The following RIPPLY2 variants were observed in gnomAD, a reference collection of about 807,000 sequenced individuals.
RIPPLY2 encodes protein ripply2.
A neutral mutation model predicts 17.7 loss-of-function variants in RIPPLY2; 20 were observed. That is an observed-to-expected ratio of 1.13 (90% CI 0.79 to 1.64). The LOEUF (loss-of-function observed/expected upper bound fraction) is 1.64, where lower values mean the gene tolerates loss of function less well. Among genes scored for constraint, RIPPLY2 ranks in the 40% most tolerant of loss-of-function variants. RIPPLY2 has a pLI of 0.00. For synonymous variants in RIPPLY2, 69 were observed against 63.9 expected, an observed-to-expected ratio of 1.08 and a Z score of -0.38; for missense variants, 213 against 169.8, an observed-to-expected ratio of 1.25 and a Z score of -1.41.
rs1323454833 is a variant in RIPPLY2 at position 83,853,501 on chromosome 6, G to C, written c.85G>C (p.Ala29Pro). Residue 29 changes from alanine (A) to proline (P), a missense_variant, in exon 1 of 4, where the codon GCG (alanine) becomes CCG (proline). Physicochemically the swap from Ala to Pro is conservative, Grantham distance 27. Coordinates refer to ENST00000369689, the MANE Select transcript of RIPPLY2 (RefSeq NM_001009994.3). ...CGACGGCCCTACGCGGCGCGCGGGC[G>C]CGGACTCCGGGTAGGCTTCCCCGCG... is the stretch of plus-strand genomic sequence containing the variant. The part of the protein sequence containing the change: ...ATDGPTRRAG[A>P]DSGYAGFWRP... The C allele has an allele frequency of 3.3e-6, 5 of 1,538,292 alleles. No homozygotes were observed. The highest frequency in any genetic ancestry group is 2.5e-5 in the East Asian group (1 of 40,798).
intron 3 of RIPPLY2, 78 bp downstream of exon 3, chr6:83,854,239 C>T: frequency 8.8e-7 from 1 of 1,142,516 alleles, no homozygotes. Flanking sequence ...CAGCCCAGCT[C>T]CGCAGCTGGT....
intron 3 of RIPPLY2, chr6:83,856,949 A>G (rs566111990): frequency 1.5e-3 from 240 of 164,660 alleles, no homozygotes; most frequent in African/African-American, 5.4e-3. Context: ...TATATCCATA[A>G]TGTACAAAGT....
At chr6:83,854,512 T>C (rs1453703930) in intron 3 of RIPPLY2, 1 of 273,582 alleles carries the variant, frequency 3.7e-6, no homozygotes, top group Admixed American at 4.6e-5. Flanking sequence ...TCAGGCAGAG[T>C]GTGTATGCTG....
chr6:83,857,042 A>G (rs1230499317), intron 3 of RIPPLY2, 200 bp from the exon 4 acceptor site: 1 of 314,106 alleles, frequency 3.2e-6, no homozygotes, highest in African/African-American at 2.1e-5. Context: ...AAGATTTACA[A>G]TAATCAAACA....
chr6:83,853,326 G>C (rs2129124321), upstream of RIPPLY2: 3 of 995,356 alleles, frequency 3.0e-6, no homozygotes, highest in Non-Finnish European at 4.4e-6. Flanking sequence ...CAGGCCGCGA[G>C]GGCTATATAA....
chr6:83,853,327 G>C (rs930828808), upstream of RIPPLY2: 2 of 1,006,208 alleles, frequency 2.0e-6, no homozygotes, highest in Admixed American at 2.5e-5. Flanking sequence ...AGGCCGCGAG[G>C]GCTATATAAA....
Position 83,853,744 on chromosome 6 carries a change from G to A in RIPPLY2, c.145G>A (p.Glu49Lys), listed in dbSNP as rs748828121. ...PWVDAGGKKE[E>K]ETPNHAAEAM... is the part of the protein sequence containing the mutation. ...GGTGGACGCCGGAGGCAAGAAAGAAGAGGAGACGCCGAACCACGCCGCGGA... is the reference window on the plus strand; with the variant it reads ...GGTGGACGCCGGAGGCAAGAAAGAAAAGGAGACGCCGAACCACGCCGCGGA... Residue 49 changes from glutamate (E) to lysine (K), a missense_variant, in exon 2 of 4, where the codon GAG becomes AAG. Coordinates refer to ENST00000369689, the MANE Select transcript of RIPPLY2 (RefSeq NM_001009994.3). The A allele has an allele frequency of 5.0e-6, 8 of 1,613,580 alleles. No individual in the cohort carries two copies. In the South Asian group the frequency reaches 7.7e-5, roughly 16 times the overall value.
chr6:83,853,448 A>G lies in RIPPLY2; in HGVS notation c.32A>G (p.Glu11Gly). ...AACGCGGGAGGCGCAGAGGGTACAG[A>G]GAGTGGAGCTGCGGCGTGCGCGGCC... MENAGGAEGT[E>G]SGAAACAATD... Residue 11 changes from glutamate (E) to glycine (G), a missense_variant, in exon 1 of 4, where the codon GAG becomes GGG. Coordinates refer to ENST00000369689, the MANE Select transcript of RIPPLY2 (RefSeq NM_001009994.3). 1.3e-6 allele frequency: 2 copies of G among 1,543,952 alleles called. No individual in the cohort carries two copies. The highest frequency in any genetic ancestry group is 1.7e-6 in the Non-Finnish European group (2 of 1,146,568).
rs2099454646 is a variant in RIPPLY2, at chr6:83,854,246, T to C, written c.239+85T>C. 7.5e-6 allele frequency: 8 copies of C among 1,073,198 alleles called. No homozygotes were observed. In the East Asian group the frequency reaches 1.9e-4, roughly 25 times the overall value. The allele number at this position is 1,073,198 out of a possible 1,614,324, so 66.5% of individuals were successfully genotyped here. On this transcript the variant is annotated intron_variant, in intron 3 of 3. Transcript: ENST00000369689. Reference sequence around the variant, plus strand: ...GCATCGCGCAGCCCAGCTCCGCAGCTGGTCCTGCAGTCTCTCTCTCTCTCT... The same window carrying C: ...GCATCGCGCAGCCCAGCTCCGCAGCCGGTCCTGCAGTCTCTCTCTCTCTCT...
upstream of RIPPLY2, chr6:83,853,341 C>T: frequency 1.6e-6 from 2 of 1,227,310 alleles, no homozygotes; most frequent in East Asian, 2.6e-5. Flanking sequence ...ATATAAAGCT[C>T]GGGTCTCGGA....
chr6:83,854,764 T>A (rs2099454744), intron 3 of RIPPLY2: 1 of 152,890 alleles, frequency 6.5e-6, no homozygotes, highest in African/African-American at 2.4e-5. Context: ...TTCTGCAGTT[T>A]TCCTGCCTCC....
chr6:83,853,677 T>C lies in RIPPLY2; in HGVS notation c.96-18T>C, dbSNP rs545615834. ...GCTCACGTCTCCTCTGCGCGCCTTG[T>C]GCTCCCCTATCCCGCAGATACGCAG... On this transcript the variant is annotated intron_variant, in intron 1 of 3. Transcript: ENST00000369689. The C allele has an allele frequency of 9.1e-5, 146 of 1,610,826 alleles. 2 individuals carry two copies. In the South Asian group the frequency reaches 1.5e-3, roughly 16 times the overall value.
At chr6:83,853,879 G>A (rs2099454586) in intron 2 of RIPPLY2, 106 bp downstream of exon 2, 1 of 1,122,546 alleles carries the variant, frequency 8.9e-7, no homozygotes, top group Non-Finnish European at 1.3e-6. Flanking sequence ...ACCGGGTCCT[G>A]CCTCTCGCTT....
chr6:83,854,310 A>C, intron 3 of RIPPLY2, 149 bp downstream of exon 3: 1 of 665,518 alleles, frequency 1.5e-6, no homozygotes, highest in Non-Finnish European at 2.7e-6. Context: ...CTTCTCACTC[A>C]TCAAATTGAA....
upstream of RIPPLY2, chr6:83,853,244 C>G (rs986725546): frequency 3.4e-6 from 2 of 586,280 alleles, no homozygotes; most frequent in Admixed American, 7.1e-5. Flanking sequence ...GGTGCGCCTT[C>G]ACGCGCAGCC....
intron 3 of RIPPLY2, chr6:83,854,405 A>G: frequency 1.8e-6 from 1 of 552,788 alleles, no homozygotes; most frequent in East Asian, 2.9e-5. Flanking sequence ...ACGAAGAGGG[A>G]AAGGGGATGA....
At chr6:83,857,045 A>G (rs753368759) in intron 3 of RIPPLY2, 197 bp from the exon 4 acceptor site, 3 of 321,036 alleles carry the variant, frequency 9.3e-6, no homozygotes, top group Non-Finnish European at 1.7e-5. Context: ...ATTTACAATA[A>G]TCAAACAATT....
intron 2 of RIPPLY2, 74 bp downstream of exon 2, chr6:83,853,847 G>C: frequency 7.5e-7 from 1 of 1,336,892 alleles, no homozygotes; most frequent in Non-Finnish European, 1.1e-6. Context: ...GGGACGCAGG[G>C]CCTGAGAGAG....
chr6:83,853,919 T>C, intron 2 of RIPPLY2, 146 bp downstream of exon 2: 5 of 989,478 alleles, frequency 5.1e-6, no homozygotes, highest in Non-Finnish European at 7.6e-6. Flanking sequence ...GCCATAAAGG[T>C]GCCGACGCGG....
Sources: allele counts gnomAD v4.1 joint callset, GRCh38; gene constraint gnomAD v4.1.1; transcripts MANE v1.5; gene names NCBI Gene and HGNC (gene_info 2026-07-23, HGNC 2026-07-21).